The following CCDC7 variants were observed in gnomAD, a reference collection of about 807,000 sequenced individuals.
The protein encoded by CCDC7 is coiled-coil domain containing 7, also known as coiled-coil domain-containing protein 7.
Under a neutral mutation model 196.9 loss-of-function variants are expected in CCDC7, and 183 were observed. The observed-to-expected ratio is 0.93, with a 90% CI of 0.82 to 1.05. The LOEUF is 1.05. Ranked by LOEUF, CCDC7 falls within the 50% of genes least tolerant of loss-of-function variation. The probability of loss-of-function intolerance (pLI) is 0.00; values close to 1 mark genes in which losing one functional copy is unlikely to be tolerated. For synonymous variants in CCDC7, 525 were observed against 484.6 expected (o/e 1.08, Z -1.10); for missense variants, 1,540 against 1,482.2 (o/e 1.04, Z -0.64).
chr10:32,818,707 A>G (rs1249613196), intron 31 of CCDC7, among the ~76,000 whole-genome samples: 1 of 152,026 alleles, frequency 6.6e-6, no homozygotes, highest in Non-Finnish European at 1.5e-5. Flanking sequence ...CCTGCTCCTG[A>G]ATGACTACTG....
intron 8 of CCDC7, among the ~76,000 whole-genome samples, chr10:32,488,999 G>A (rs1221948712): frequency 1.3e-5 from 2 of 152,182 alleles, no homozygotes; most frequent in East Asian, 3.9e-4. Context: ...CAGTGGCCAA[G>A]GCTGTAGGTA....
At chr10:32,774,816 A>ATT (rs2079728089) in intron 28 of CCDC7, among the ~76,000 whole-genome samples, 1 of 152,132 alleles carries the variant, frequency 6.6e-6, no homozygotes, top group Non-Finnish European at 1.5e-5. Flanking sequence ...GGAACTTCTA[A>ATT]ATAATAAAGT....
intron 20 of CCDC7, among the ~76,000 whole-genome samples, chr10:32,653,113 A>G (rs759848177): frequency 6.6e-6 from 1 of 152,170 alleles, no homozygotes; most frequent in Non-Finnish European, 1.5e-5. Flanking sequence ...AGCACTTTGA[A>G]TATGTCATCT....
At chr10:32,841,249 A>G (rs1423468548) in intron 33 of CCDC7, among the ~76,000 whole-genome samples, 2 of 151,938 alleles carry the variant, frequency 1.3e-5, no homozygotes, top group Non-Finnish European at 2.9e-5. Context: ...CCTAGGAAGC[A>G]CTAAAGACTC....
intron 21 of CCDC7, among the ~76,000 whole-genome samples, chr10:32,668,548 A>G (rs1196128680): frequency 6.6e-6 from 1 of 152,180 alleles, no homozygotes; most frequent in Non-Finnish European, 1.5e-5. Context: ...TGTCCCATCA[A>G]TACCTAATTT....
At chr10:32,565,665 A>G (rs1048952893) in intron 14 of CCDC7, 45 bp downstream of exon 15, 4 of 1,575,872 alleles carry the variant, frequency 2.5e-6, no homozygotes, top group Non-Finnish European at 3.5e-6. Flanking sequence ...AAGTAAAGAA[A>G]ATATCCACAA....
intron 18 of CCDC7, among the ~76,000 whole-genome samples, chr10:32,633,675 G>A (rs1031687632): frequency 1.4e-5 from 1 of 70,320 alleles, no homozygotes; most frequent in Non-Finnish European, 3.9e-5. Flanking sequence ...TATTGATTTA[G>A]CTTTGTGTAT....
intron 21 of CCDC7, among the ~76,000 whole-genome samples, chr10:32,673,746 C>CAAATAGT (rs2074466920): frequency 6.7e-6 from 1 of 149,058 alleles, no homozygotes; most frequent in Non-Finnish European, 1.5e-5. Context: ...GAACCAGTAA[C>CAAATAGT]CAGAATCTCT....
chr10:32,639,491 G>A lies in CCDC7; in HGVS notation c.2014+4333G>A, dbSNP rs577931776. Among the ~76,000 whole-genome samples, 170 of 152,154 alleles carry A rather than the reference G, an allele frequency of 1.1e-3. 2 individuals carry two copies. Among genetic ancestry groups the A allele is most frequent in the African/African-American group, 8.9e-4 (37 of 41,520 alleles). On this transcript the variant is annotated intron_variant, in intron 20 of 41. Coordinates refer to ENST00000639629, the Ensembl canonical transcript of CCDC7. ...TAATTTTGGCTTTTGCCTTCATTTC[G>A]TTATGTACCCAGTAGTCATTCAGGA...
chr10:32,533,254 C>CACACACAA (rs1371385348), intron 11 of CCDC7, among the ~76,000 whole-genome samples: 27 of 151,028 alleles, frequency 1.8e-4, no homozygotes, highest in African/African-American at 6.1e-4. Context: ...GAAACACACA[C>CACACACAA]ACACACACAC....
At chr10:32,706,291 A>G (rs1480452049) in intron 24 of CCDC7, among the ~76,000 whole-genome samples, 1 of 152,146 alleles carries the variant, frequency 6.6e-6, no homozygotes, top group African/African-American at 2.4e-5. Flanking sequence ...GACACAACAT[A>G]CTGGAATCTC....
chr10:32,833,040 A>G (rs1025694361), intron 32 of CCDC7, among the ~76,000 whole-genome samples: 3 of 152,156 alleles, frequency 2.0e-5, no homozygotes. Flanking sequence ...AAGAATGTTC[A>G]TATAACAAAC....
chr10:32,711,510 C>T lies in CCDC7; in HGVS notation c.2459-110C>T, dbSNP rs2141907689. 6.2e-6 allele frequency: 4 copies of T among 650,258 alleles called. No individual in the cohort carries two copies. In the South Asian group the frequency reaches 7.7e-5, roughly 12 times the overall value. The allele number at this position is 650,258 out of a possible 1,614,324, so 40.3% of individuals were successfully genotyped here. ...TAGCATTAAGGTAGTTTACTTATAA[C>T]TTTATAAGATGAAAGAAAATGTTGC... is the stretch of plus-strand genomic sequence containing the variant. On this transcript the variant is annotated intron_variant, in intron 24 of 41. Transcript: ENST00000639629.
rs371033280 is a variant in CCDC7 at position 32,667,783 on chromosome 10, A to G, written c.2122+3622A>G. Among the ~76,000 whole-genome samples, 190 of 152,216 alleles carry G rather than the reference A, an allele frequency of 1.2e-3. 4 individuals are homozygous for G. The South Asian group carries it at 0.039, about 31-fold the overall frequency. On this transcript the variant is annotated intron_variant, in intron 21 of 41. Transcript: ENST00000639629. ...TTTGGTTACTGCAGCCTTGTAGTAT[A>G]GTTTGAAGTCAGGTAGCGTGATGCC...
At chr10:32,880,770 C>T (rs1213061677), downstream of CCDC7, among the ~76,000 whole-genome samples, 1 of 152,168 alleles carries the variant, frequency 6.6e-6, no homozygotes, top group Non-Finnish European at 1.5e-5. Context: ...CCAGTTATCA[C>T]AGCACCATTT....
rs147608884 is a variant in CCDC7, at chr10:32,645,764, G to C, written c.2014+10606G>C. 7.1e-3 allele frequency among the ~76,000 whole-genome samples: 1,072 copies of C among 151,806 alleles called. 13 individuals carry two copies. The highest frequency in any genetic ancestry group is 0.025 in the African/African-American group (1,023 of 41,454). ...TTCTATTTCTTCATGATGCAATCTT[G>C]GTAACTTGCGTGTGTCCAAGAATTT... On this transcript the variant is annotated intron_variant, in intron 20 of 41. Transcript: ENST00000639629.
intron 29 of CCDC7, among the ~76,000 whole-genome samples, chr10:32,800,876 G>C (rs1446110120): frequency 6.6e-6 from 1 of 152,168 alleles, no homozygotes; most frequent in East Asian, 1.9e-4. Context: ...TATAAATTAA[G>C]TAAAAATGCA....
chr10:32,520,824 A>G (rs535832451), intron 11 of CCDC7, among the ~76,000 whole-genome samples: 9 of 152,222 alleles, frequency 5.9e-5, no homozygotes, highest in South Asian at 4.1e-4. Flanking sequence ...AGTTTCTCCA[A>G]TGTTTTCTTG....
chr10:32,673,693 T>C (rs2074455921), intron 21 of CCDC7, among the ~76,000 whole-genome samples: 1 of 103,390 alleles, frequency 9.7e-6, no homozygotes, highest in South Asian at 2.7e-4. Flanking sequence ...GTGTGTAGTT[T>C]AGGGTTTTCT....
Sources: allele counts gnomAD v4.1 joint callset (sites outside exome capture counted in the v4.1 genomes callset), GRCh38; gene constraint gnomAD v4.1.1; transcripts MANE v1.5; gene names NCBI Gene and HGNC (gene_info 2026-07-23, HGNC 2026-07-21).